Variants in MYOM2 observed in about 807,000 individuals in gnomAD.
MYOM2 encodes myomesin-2.
MYOM2 carries 254 observed loss-of-function variants against 187.6 expected under a neutral mutation model. The ratio of observed to expected loss-of-function variants is 1.35; its 90% CI spans 1.22 to 1.50. The LOEUF is 1.50. Ranked by LOEUF, MYOM2 falls within the 40% of genes most tolerant of loss-of-function variation. The pLI is 0.00. For missense variants in MYOM2, 2,796 were observed against 1,924.0 expected (o/e 1.45, Z -8.48); for synonymous variants, 981 against 753.8 (o/e 1.30, Z -4.94).
intron 13 of MYOM2, among the ~76,000 whole-genome samples, chr8:2,084,108 A>G (rs1819727000): frequency 6.6e-6 from 1 of 152,194 alleles, no homozygotes; most frequent in African/African-American, 2.4e-5. Context: ...CAGAAAGATG[A>G]GTTTTCTGCA....
chr8:2,108,705 C>G (rs947687963), intron 23 of MYOM2, 81 bp from the exon 24 acceptor site: 1 of 1,360,170 alleles, frequency 7.4e-7, no homozygotes, highest in African/African-American at 1.4e-5. Flanking sequence ...TCCAATCTTG[C>G]TCGTGTGTCG....
In MYOM2 at chr8:2,069,240, C is replaced by T. The variant is rs191018919; in HGVS notation, c.654-38C>T. ...ATTCGGGTCACTGACTTTTACACAA[C>T]AGTCCCGCAGACTTTCTCTTGTTTT... is the stretch of plus-strand genomic sequence containing the variant. On this transcript the variant is annotated intron_variant, in intron 6 of 36. Coordinates refer to ENST00000262113, the MANE Select transcript of MYOM2 (RefSeq NM_003970.4). The T allele has an allele frequency of 3.5e-3, 5,547 of 1,585,316 alleles. 13 individuals carry two copies. The highest frequency in any genetic ancestry group is 4.3e-3 in the Non-Finnish European group (4,953 of 1,160,264).
At chr8:2,102,296 G>A (rs1796735965) in intron 20 of MYOM2, 1 of 177,942 alleles carries the variant, frequency 5.6e-6, no homozygotes, top group African/African-American at 2.4e-5. Context: ...TAATTCTGAT[G>A]CCCCAATGAT....
chr8:2,045,465 G>GC (rs1818281870), intron 1 of MYOM2, among the ~76,000 whole-genome samples: 1 of 152,186 alleles, frequency 6.6e-6, no homozygotes, highest in African/African-American at 2.4e-5. Flanking sequence ...TCTCATCGTG[G>GC]CCCCAGGGGG....
In MYOM2 at chr8:2,085,374, T is replaced by G; in HGVS notation, c.1628T>G (p.Met543Arg). 6.2e-7 allele frequency: 1 copy of G among 1,613,694 alleles called. No individual in the cohort carries two copies. Among genetic ancestry groups the G allele is most frequent in the Non-Finnish European group, 8.5e-7 (1 of 1,179,824 alleles). Residue 543 changes from methionine (M) to arginine (R), a missense_variant, in exon 14 of 37, where the codon ATG becomes AGG. By Grantham distance (91) the Met-to-Arg change is moderately conservative (BLOSUM62 -1). Transcript: ENST00000262113. The part of the protein sequence containing the change: ...PPTPRGKDPL[M>R]YFIEKSVVGS... ...ACTCCCCGTGGCAAGGACCCGCTCA[T>G]GTACTTCATTGAGAAGGTAAACTCC...
intron 28 of MYOM2, among the ~76,000 whole-genome samples, chr8:2,119,924 C>T (rs1003004673): frequency 6.6e-6 from 1 of 152,114 alleles, no homozygotes; most frequent in Non-Finnish European, 1.5e-5. Flanking sequence ...GCGGCAGATC[C>T]ATCAGTGCAG....
chr8:2,116,219 T>G lies in MYOM2; in HGVS notation c.3329T>G (p.Phe1110Cys). 1 of 1,609,202 alleles carries G rather than the reference T, an allele frequency of 6.2e-7. No homozygotes were observed. The highest frequency in any genetic ancestry group is 8.5e-7 in the Non-Finnish European group (1 of 1,177,920). The change falls in exon 27 of 37, where the codon TTC (phenylalanine) becomes TGC (cysteine). Residue 1110 changes from phenylalanine (F) to cysteine (C), a missense_variant. Physicochemically the swap from Phe to Cys is radical, Grantham distance 205. Coordinates refer to ENST00000262113, the MANE Select transcript of MYOM2 (RefSeq NM_003970.4). ...TTTTTTTAAATATTGAATTTAGCAT[T>G]CAAGACTGTGCTGGAAGAGGCTGAG... ...QSSLVLIGDA[F>C]KTVLEEAEFQ...
chr8:2,089,462 C>G (rs976035625), intron 14 of MYOM2, among the ~76,000 whole-genome samples: 1 of 152,108 alleles, frequency 6.6e-6, no homozygotes. Context: ...TAACATAATT[C>G]CTCTTATTAG....
chr8:2,064,099 C>T (rs992866966), intron 6 of MYOM2, among the ~76,000 whole-genome samples: 2 of 152,218 alleles, frequency 1.3e-5, no homozygotes, highest in African/African-American at 4.8e-5. Flanking sequence ...CAAGTGGACA[C>T]AGGCTAAGCT....
intron 27 of MYOM2, among the ~76,000 whole-genome samples, chr8:2,117,346 A>G (rs1465700480): frequency 6.6e-6 from 1 of 152,182 alleles, no homozygotes; most frequent in African/African-American, 2.4e-5. Context: ...TCCTACATGT[A>G]TTTTAAATAA....
chr8:2,067,023 C>T (rs528367653), intron 6 of MYOM2, among the ~76,000 whole-genome samples: 11 of 152,264 alleles, frequency 7.2e-5, no homozygotes, highest in South Asian at 6.2e-4. Flanking sequence ...CCTTGAGCAA[C>T]GGCAGTTAGG....
rs766840550 is a variant in MYOM2, at chr8:2,076,207, G to A, written c.1187G>A (p.Arg396Gln). The A allele has an allele frequency of 1.2e-5, 20 of 1,613,464 alleles. No homozygotes were observed. Among genetic ancestry groups the A allele is most frequent in the Middle Eastern group, 1.7e-4 (1 of 5,978 alleles). ...GACTTGCAGTGCCACGACGCCAACCGGGACTACGTCATCGTGACCTGGAAG... is the reference window on the plus strand; with the variant it reads ...GACTTGCAGTGCCACGACGCCAACCAGGACTACGTCATCGTGACCTGGAAG... ...PMDLQCHDAN[R>Q]DYVIVTWKPP... Residue 396 changes from arginine (R) to glutamine (Q), a missense_variant, in exon 11 of 37, where the codon CGG becomes CAG. Arg to Gln is a conservative substitution (Grantham distance 43, BLOSUM62 1). Coordinates refer to ENST00000262113, the MANE Select transcript of MYOM2 (RefSeq NM_003970.4).
intron 27 of MYOM2, 132 bp downstream of exon 27, chr8:2,116,407 G>C: frequency 1.2e-6 from 1 of 840,714 alleles, no homozygotes; most frequent in South Asian, 2.2e-5. Context: ...AAGAGGTTAG[G>C]CTTACCAACT....
intron 6 of MYOM2, among the ~76,000 whole-genome samples, chr8:2,066,186 G>A (rs1819013752): frequency 1.3e-5 from 2 of 152,210 alleles, no homozygotes; most frequent in South Asian, 4.1e-4. Flanking sequence ...CCCTGGTCCA[G>A]CAGGGTCACG....
Position 2,141,176 on chromosome 8 carries a change from A to C in MYOM2, c.4000A>C (p.Lys1334Gln), listed in dbSNP as rs1798262222. 1.9e-6 allele frequency: 3 copies of C among 1,612,116 alleles called. No individual in the cohort carries two copies. Among genetic ancestry groups the C allele is most frequent in the East Asian group, 2.2e-5 (1 of 44,882 alleles). ...AGCATTTGCAGAATTCCAGCAATTC[A>C]AGTAAGATTTGTGTATTTAGTTACT... The part of the protein sequence containing the change: ...DEAFAEFQQF[K>Q]AAAFAEKNRG... Residue 1334 changes from lysine (K) to glutamine (Q), a missense_variant and splice_region_variant, in exon 34 of 37, where the codon AAA becomes CAA. Lys to Gln is a moderately conservative substitution (Grantham distance 53, BLOSUM62 1). Transcript: ENST00000262113.
rs1819415254 is a variant in MYOM2 at position 2,076,256 on chromosome 8, C to G, written c.1236C>G (p.Ser412Arg). 6.2e-7 allele frequency: 1 copy of G among 1,613,642 alleles called. No individual in the cohort carries two copies. The highest frequency in any genetic ancestry group is 8.5e-7 in the Non-Finnish European group (1 of 1,179,942). ...TWKPPNTTTE[S>R]PVMGYFVDRC... Reference sequence around the variant, plus strand: ...AGCCGCCCAACACCACCACTGAGAGCCCCGTCATGGGCTATTTTGTGGACC... The same window carrying G: ...AGCCGCCCAACACCACCACTGAGAGGCCCGTCATGGGCTATTTTGTGGACC... Residue 412 changes from serine to arginine, a missense_variant, in exon 11 of 37, where the codon AGC becomes AGG. Ser to Arg is a moderately radical substitution (Grantham distance 110). Transcript: ENST00000262113.
At chr8:2,101,127 C>G in intron 20 of MYOM2, 73 bp downstream of exon 20, 5 of 1,509,378 alleles carry the variant, frequency 3.3e-6, no homozygotes, top group Non-Finnish European at 4.5e-6. Context: ...GGGCCAATCA[C>G]TTGAGGTCAG....
chr8:2,051,010 C>T (rs959052978), intron 2 of MYOM2, 137 bp downstream of exon 2: 37 of 662,878 alleles, frequency 5.6e-5, no homozygotes, highest in East Asian at 1.4e-4. Context: ...CAGCCTCTCC[C>T]GTGCCCAGGT....
chr8:2,137,267 C>A (rs2116908677), intron 32 of MYOM2, among the ~76,000 whole-genome samples: 1 of 152,092 alleles, frequency 6.6e-6, no homozygotes, highest in East Asian at 1.9e-4. Context: ...GTGATGAGCT[C>A]ACACAGGGTG....
Sources: allele counts gnomAD v4.1 joint callset (sites outside exome capture counted in the v4.1 genomes callset), GRCh38; gene constraint gnomAD v4.1.1; transcripts MANE v1.5; gene names NCBI Gene and HGNC (gene_info 2026-07-23, HGNC 2026-07-21).